The following AKAP13 variants were observed in gnomAD, a reference collection of about 807,000 sequenced individuals.
The protein encoded by AKAP13 is A-kinase anchor protein 13.
In AKAP13, 80 loss-of-function variants were observed where a neutral mutation model predicts 264.5. That is an observed-to-expected ratio of 0.30 (90% confidence interval 0.25 to 0.36). The LOEUF (loss-of-function observed/expected upper bound fraction) is 0.36, where lower values mean the gene tolerates loss of function less well. Ranked by LOEUF, AKAP13 falls within the 10% of genes least tolerant of loss-of-function variation. The pLI is 1.00. For missense variants in AKAP13, 3,712 were observed against 3,435.2 expected, an observed-to-expected ratio of 1.08 and a Z score of -2.01; for synonymous variants, 1,380 against 1,250.2, an observed-to-expected ratio of 1.10 and a Z score of -2.19.
chr15:85,701,843 T>G (rs2085934824), intron 17 of AKAP13, among the ~76,000 whole-genome samples: 1 of 152,296 alleles, frequency 6.6e-6, no homozygotes, highest in South Asian at 2.1e-4. Context: ...AAAAATACAT[T>G]CTTTAATTTG....
At chr15:85,566,725 C>T (rs1367568014) in intron 5 of AKAP13, among the ~76,000 whole-genome samples, 1 of 149,408 alleles carries the variant, frequency 6.7e-6, no homozygotes, top group Non-Finnish European at 1.5e-5. Flanking sequence ...CTCTTGGGTT[C>T]AAGCGATTCT....
chr15:85,567,718 C>G (rs187669659), intron 5 of AKAP13, among the ~76,000 whole-genome samples: 37 of 151,998 alleles, frequency 2.4e-4, no homozygotes, highest in African/African-American at 5.3e-4. Context: ...TGTAACATGG[C>G]CCAAAAATGT....
chr15:85,729,393 C>G (rs2087828536), intron 29 of AKAP13, among the ~76,000 whole-genome samples: 1 of 152,004 alleles, frequency 6.6e-6, no homozygotes, highest in African/African-American at 2.4e-5. Context: ...ATCAGGTGAC[C>G]TGGAAGATGA....
intron 7 of AKAP13, chr15:85,583,115 C>T (rs1175050093): frequency 2.0e-6 from 2 of 985,322 alleles, no homozygotes; most frequent in East Asian, 2.3e-4. Context: ...CACCTGTTAC[C>T]AGCTGTAGAC....
intron 1 of AKAP13, among the ~76,000 whole-genome samples, chr15:85,390,630 C>G (rs138704025): frequency 6.6e-6 from 1 of 152,134 alleles, no homozygotes; most frequent in Admixed American, 6.5e-5. Flanking sequence ...GTAGTGGAAA[C>G]GGAGAGACTA....
At chr15:85,431,161 T>C (rs1366929391) in intron 1 of AKAP13, among the ~76,000 whole-genome samples, 1 of 152,196 alleles carries the variant, frequency 6.6e-6, no homozygotes, top group Non-Finnish European at 1.5e-5. Context: ...TTCACAGTGA[T>C]GGTGTACAGG....
chr15:85,493,804 G>A (rs750678849), intron 2 of AKAP13, among the ~76,000 whole-genome samples: 2 of 152,116 alleles, frequency 1.3e-5, no homozygotes, highest in African/African-American at 2.4e-5. Context: ...GGTAAGGGAC[G>A]AGGGATGCTG....
chr15:85,496,381 C>T (rs185302095), intron 2 of AKAP13, among the ~76,000 whole-genome samples: 139 of 152,278 alleles, frequency 9.1e-4, no homozygotes, highest in Admixed American at 1.5e-3. Flanking sequence ...TAACTTGCTT[C>T]TCTGTTTATG....
At chr15:85,395,474 A>G (rs1400447345) in intron 1 of AKAP13, among the ~76,000 whole-genome samples, 3 of 152,338 alleles carry the variant, frequency 2.0e-5, no homozygotes, top group African/African-American at 7.2e-5. Context: ...CTTGGAAGGA[A>G]TATTTTACAG....
intron 1 of AKAP13, among the ~76,000 whole-genome samples, chr15:85,393,708 A>G (rs970043899): frequency 3.3e-5 from 5 of 152,240 alleles, no homozygotes; most frequent in African/African-American, 7.2e-5. Flanking sequence ...ACTAGGGTTT[A>G]GAGATTTAAG....
At chr15:85,659,656 C>A (rs1047881092) in intron 12 of AKAP13, among the ~76,000 whole-genome samples, 4 of 152,118 alleles carry the variant, frequency 2.6e-5, no homozygotes, top group Admixed American at 6.5e-5. Context: ...TCAATATGAG[C>A]TTATTAAAAA....
At chr15:85,450,174 A>G (rs2074032905) in intron 1 of AKAP13, among the ~76,000 whole-genome samples, 2 of 152,030 alleles carry the variant, frequency 1.3e-5, no homozygotes, top group South Asian at 2.1e-4. Context: ...GAATTTATCC[A>G]TCTCTTCTAG....
Position 85,715,853 on chromosome 15 carries a change from A to C in AKAP13, c.5665A>C (p.Ile1889Leu). The change falls in exon 20 of 37, where the codon ATA becomes CTA. Residue 1889 changes from isoleucine to leucine, a missense_variant. Transcript: ENST00000394518. Reference sequence around the variant, plus strand: ...GGTGGATGAAACCGCTACCACCCCAATATTTGCCAATAGACGATCCCAGCA... The same window carrying C: ...GGTGGATGAAACCGCTACCACCCCACTATTTGCCAATAGACGATCCCAGCA... Reference protein sequence around the residue: ...LLVDETATTPIFANRRSQQSV... With the variant: ...LLVDETATTPLFANRRSQQSV... 1 of 1,613,524 alleles carries C rather than the reference A, an allele frequency of 6.2e-7. No individual in the cohort carries two copies. The highest frequency in any genetic ancestry group is 2.2e-5 in the East Asian group (1 of 44,806).
intron 5 of AKAP13, among the ~76,000 whole-genome samples, chr15:85,561,551 G>C (rs114557381): frequency 2.0e-5 from 3 of 152,136 alleles, no homozygotes; most frequent in African/African-American, 7.2e-5. Context: ...AAATTTATAC[G>C]TCTGTCTAGT....
chr15:85,575,518 C>T (rs191246935), intron 6 of AKAP13, among the ~76,000 whole-genome samples, 189 bp downstream of exon 6: 80 of 152,160 alleles, frequency 5.3e-4, no homozygotes, highest in African/African-American at 1.8e-3. Flanking sequence ...ACGGTGAAAC[C>T]CTGTCTCTAC....
rs539969002 is a variant in AKAP13 at position 85,530,684 on chromosome 15, G to A, written c.182-2900G>A. 2.0e-5 allele frequency among the ~76,000 whole-genome samples: 3 copies of A among 152,164 alleles called. No individual in the cohort carries two copies. The South Asian group carries it at 6.2e-4, about 32-fold the overall frequency. On this transcript the variant is annotated intron_variant, in intron 3 of 36. Coordinates refer to ENST00000394518, the MANE Select transcript of AKAP13 (RefSeq NM_007200.5). ...AGATTAGCTTAATTTTGGATAAATG[G>A]GACAATGCTATATATTGATTCTGTT...
At chr15:85,419,852 G>T (rs1187563626) in intron 1 of AKAP13, among the ~76,000 whole-genome samples, 1 of 151,520 alleles carries the variant, frequency 6.6e-6, no homozygotes, top group Non-Finnish European at 1.5e-5. Context: ...GCTGTAAAGA[G>T]TGAAGAGGGT....
In AKAP13 at chr15:85,655,544, G is replaced by T. The variant is rs995307907; in HGVS notation, c.4502G>T (p.Arg1501Met). The T allele has an allele frequency of 1.9e-6, 3 of 1,614,120 alleles. No individual in the cohort carries two copies. Among genetic ancestry groups the T allele is most frequent in the Middle Eastern group, 1.6e-4 (1 of 6,084 alleles). ...VSLSQILKPN[R>M]SRDRQSLDGF... Reference sequence around the variant, plus strand: ...CTCTCCCAGATTTTAAAGCCAAACAGGTCAAGAGATCGGCAAAGCCTTGAT... The same window carrying T: ...CTCTCCCAGATTTTAAAGCCAAACATGTCAAGAGATCGGCAAAGCCTTGAT... Residue 1501 changes from arginine (R) to methionine (M), a missense_variant, in exon 11 of 37, where the codon AGG becomes ATG. Arg to Met is a moderately conservative substitution (Grantham distance 91). Around this residue, in one of 3 missense-constraint regions of AKAP13, gnomAD observed 2,759 missense variants for 2,411.7 expected, o/e 1.14. Coordinates refer to ENST00000394518, the MANE Select transcript of AKAP13 (RefSeq NM_007200.5).
At chr15:85,549,919 CTGATTGAT>C (rs199697951) in intron 5 of AKAP13, among the ~76,000 whole-genome samples, 1 of 151,972 alleles carries the variant, frequency 6.6e-6, no homozygotes, top group Non-Finnish European at 1.5e-5. Context: ...ATTGTCATCT[CTGATTGAT>C]TGATTGATTG....
Sources: gnomAD v4.1 joint callset for allele counts (sites outside exome capture counted in the v4.1 genomes callset) on GRCh38, gnomAD v4.1.1 for gene constraint, gnomAD v4.1.1 regional missense constraint, MANE v1.5 for transcripts, NCBI Gene and HGNC (gene_info 2026-07-23, HGNC 2026-07-21) for gene names.